Variants in NALCN observed in about 807,000 individuals in gnomAD.
The protein encoded by NALCN is sodium leak channel, non-selective.
A neutral mutation model predicts 225.3 loss-of-function variants in NALCN; 111 were observed. That is an observed-to-expected ratio of 0.49 (90% CI 0.42 to 0.58). NALCN has a LOEUF of 0.58. Ranked by LOEUF, NALCN falls within the 20% of genes least tolerant of loss-of-function variation. The probability of loss-of-function intolerance (pLI) is 0.00; values close to 1 mark genes in which losing one functional copy is unlikely to be tolerated. For synonymous variants in NALCN, 764 were observed against 769.0 expected, an observed-to-expected ratio of 0.99 and a Z score of 0.11; for missense variants, 1,378 against 2,202.4, an observed-to-expected ratio of 0.63 and a Z score of 7.49.
chr13:101,246,621 T>C (rs532389102), intron 11 of NALCN, among the ~76,000 whole-genome samples: 33 of 152,320 alleles, frequency 2.2e-4, no homozygotes, highest in African/African-American at 7.9e-4. Context: ...CAAGATAATG[T>C]CCAGATCTTT....
intron 27 of NALCN, among the ~76,000 whole-genome samples, chr13:101,096,652 A>G (rs1324544103): frequency 1.3e-5 from 2 of 152,228 alleles, no homozygotes. Flanking sequence ...GCTGTCGTGT[A>G]TACAACTCTA....
chr13:101,071,457 T>TAA (rs2032880466), intron 37 of NALCN, among the ~76,000 whole-genome samples: 1 of 152,234 alleles, frequency 6.6e-6, no homozygotes, highest in South Asian at 2.1e-4. Context: ...CAGCAGCACT[T>TAA]ACACTTTCAT....
At position 101,177,027 on chromosome 13, in the gene NALCN, T is replaced by C. The variant is rs573570352; in HGVS notation, c.1765-653A>G. ...GTCTTTACCCTTGGTCTCTCCTAGA[T>C]CACCTGCTCTGTGGAAGCAGGTGCT... is the stretch of plus-strand genomic sequence containing the variant. On this transcript the variant is annotated intron_variant, in intron 14 of 43. Coordinates refer to ENST00000251127, the MANE Select transcript of NALCN (RefSeq NM_052867.4). 2.0e-3 allele frequency among the ~76,000 whole-genome samples: 310 copies of C among 152,316 alleles called. 3 individuals are homozygous for C. In the South Asian group the frequency reaches 0.032, roughly 16 times the overall value.
At chr13:101,082,314 T>C (rs531088824) in intron 33 of NALCN, among the ~76,000 whole-genome samples, 2 of 152,364 alleles carry the variant, frequency 1.3e-5, no homozygotes, top group African/African-American at 4.8e-5. Context: ...CTTCGTTTTA[T>C]GACTAGTTCT....
chr13:101,226,103 A>AC (rs2041131185), intron 13 of NALCN, among the ~76,000 whole-genome samples: 1 of 151,936 alleles, frequency 6.6e-6, no homozygotes, highest in Non-Finnish European at 1.5e-5. Flanking sequence ...GAGAAACACC[A>AC]CCATTTTAAG....
intron 43 of NALCN, among the ~76,000 whole-genome samples, chr13:101,056,786 A>G (rs1364341462): frequency 6.6e-6 from 1 of 152,110 alleles, no homozygotes. Flanking sequence ...TGCCAAGTCA[A>G]CTTCCTAAAG....
intron 13 of NALCN, among the ~76,000 whole-genome samples, chr13:101,193,800 A>C (rs1436738950): frequency 6.6e-6 from 1 of 152,064 alleles, no homozygotes; most frequent in Non-Finnish European, 1.5e-5. Flanking sequence ...TTTTCTCTTG[A>C]ATATTTATTG....
intron 7 of NALCN, among the ~76,000 whole-genome samples, chr13:101,316,728 G>A (rs1012258611): frequency 2.0e-5 from 3 of 152,098 alleles, no homozygotes; most frequent in African/African-American, 7.2e-5. Flanking sequence ...GAAAATTAAT[G>A]TTCAGTTTAT....
intron 17 of NALCN, among the ~76,000 whole-genome samples, chr13:101,139,008 TC>T: frequency 6.6e-6 from 1 of 151,922 alleles, no homozygotes. Flanking sequence ...CTTGGGAAGG[TC>T]GTTTCTATGG....
intron 4 of NALCN, among the ~76,000 whole-genome samples, chr13:101,377,372 G>A (rs532323670): frequency 1.3e-5 from 2 of 152,040 alleles, no homozygotes; most frequent in Non-Finnish European, 2.9e-5. Context: ...TGTTAATAAC[G>A]TTCTTTAGTG....
At chr13:101,385,574 T>C (rs556546604) in intron 3 of NALCN, among the ~76,000 whole-genome samples, 3 of 152,206 alleles carry the variant, frequency 2.0e-5, no homozygotes, top group Non-Finnish European at 4.4e-5. Context: ...CGTGTGCCAA[T>C]GGAGACATTA....
intron 17 of NALCN, among the ~76,000 whole-genome samples, chr13:101,132,462 T>C (rs919981166): frequency 6.6e-5 from 10 of 152,156 alleles, no homozygotes; most frequent in Non-Finnish European, 1.3e-4. Context: ...TCTCTAGTCA[T>C]TGAATGAAGA....
chr13:101,394,833 A>G (rs2047238429), intron 3 of NALCN, among the ~76,000 whole-genome samples: 1 of 152,168 alleles, frequency 6.6e-6, no homozygotes, highest in South Asian at 2.1e-4. Flanking sequence ...CCCTAAGTCA[A>G]CAAATAATAA....
intron 10 of NALCN, among the ~76,000 whole-genome samples, chr13:101,260,517 T>C (rs746298710): frequency 7.2e-5 from 11 of 152,242 alleles, no homozygotes; most frequent in Non-Finnish European, 1.6e-4. Flanking sequence ...TTTCTTCGCA[T>C]CCTCACCAGC....
In NALCN at chr13:101,055,160, G is replaced by A. The variant is rs943015522; in HGVS notation, c.*135C>T. 4 of 746,532 alleles carry A rather than the reference G, an allele frequency of 5.4e-6. No individual in the cohort carries two copies. The African/African-American group carries it at 7.1e-5, about 13-fold the overall frequency. The allele number at this position is 746,532 out of a possible 1,614,324, so 46.2% of individuals were successfully genotyped here. On this transcript the variant is annotated 3_prime_UTR_variant, in exon 44 of 44. Coordinates refer to ENST00000251127, the MANE Select transcript of NALCN (RefSeq NM_052867.4). ...AGCTTATGCCTTTCTGTGGCAGGAT[G>A]AAAATCAATTTATAAACATCTTGTG...
intron 12 of NALCN, among the ~76,000 whole-genome samples, chr13:101,230,392 C>T (rs1358807199): frequency 1.3e-5 from 2 of 152,166 alleles, no homozygotes; most frequent in Non-Finnish European, 2.9e-5. Context: ...TTTTCTCTTT[C>T]CTCCTTTAAA....
rs142331749 is a variant in NALCN at position 101,199,022 on chromosome 13, C to T, written c.1627-6968G>A. On this transcript the variant is annotated intron_variant, in intron 13 of 43. Transcript: ENST00000251127. ...GGATGAAGCTGGAAACTATCATTCT[C>T]AGCAAACTATCACAAGGACAAAAGT... 8.2e-4 allele frequency among the ~76,000 whole-genome samples: 125 copies of T among 151,884 alleles called. 4 individuals carry two copies. In the East Asian group the frequency reaches 0.024, roughly 29 times the overall value.
chr13:101,361,293 A>G (rs952558070), intron 6 of NALCN, among the ~76,000 whole-genome samples: 5 of 152,302 alleles, frequency 3.3e-5, no homozygotes, highest in African/African-American at 9.6e-5. Context: ...CGGCTACAGT[A>G]AACACTATTT....
At chr13:101,097,661 C>CAGCA (rs1391230396) in intron 27 of NALCN, among the ~76,000 whole-genome samples, 1 of 152,200 alleles carries the variant, frequency 6.6e-6, no homozygotes, top group East Asian at 1.9e-4. Context: ...GTAACAAAAA[C>CAGCA]AGCACTAGGA....
Sources: gnomAD v4.1 joint callset for allele counts (sites outside exome capture counted in the v4.1 genomes callset) on GRCh38, gnomAD v4.1.1 for gene constraint, MANE v1.5 for transcripts, NCBI Gene and HGNC (gene_info 2026-07-23, HGNC 2026-07-21) for gene names.